The following DLGAP4 variants were observed in gnomAD, a reference collection of about 807,000 sequenced individuals.
DLGAP4 encodes DLG associated protein 4.
Under a neutral mutation model 86.9 loss-of-function variants are expected in DLGAP4, and 18 were observed. The ratio of observed to expected loss-of-function variants is 0.21; its 90% confidence interval spans 0.14 to 0.31. The LOEUF is 0.31. DLGAP4 is among the 10% of genes least tolerant of loss of function. DLGAP4 has a pLI of 1.00. For synonymous variants in DLGAP4, 548 were observed against 574.3 expected, an observed-to-expected ratio of 0.95 and a Z score of 0.65; for missense variants, 1,085 against 1,362.6, an observed-to-expected ratio of 0.80 and a Z score of 3.21.
chr20:36,434,163 C>T (rs192746415), intron 3 of DLGAP4, among the ~76,000 whole-genome samples: 168 of 149,964 alleles, frequency 1.1e-3, no homozygotes, highest in African/African-American at 4.0e-3. Flanking sequence ...AGGCTGGTCT[C>T]GAATTCCTGA....
chr20:36,438,552 A>AT lies in DLGAP4; in HGVS notation c.1242-1201dup, dbSNP rs985946356. Among the ~76,000 whole-genome samples the AT allele has an allele frequency of 1.3e-4, 20 of 150,426 alleles. No homozygotes were observed. The East Asian group carries it at 3.7e-3, about 28-fold the overall frequency. ...CTCAGTTTCCCAATCTGAATAATAT[A>AT]TACATATATATGTATATATTGTAAA... On this transcript the variant is annotated intron_variant, in intron 4 of 12. Transcript: ENST00000339266.
chr20:36,464,861 A>G (rs928382311), intron 7 of DLGAP4, among the ~76,000 whole-genome samples: 2 of 152,168 alleles, frequency 1.3e-5, no homozygotes, highest in African/African-American at 4.8e-5. Flanking sequence ...AAAAAAAAAA[A>G]AAGAAGAAAC....
At chr20:36,421,413 G>A (rs1365624818) in intron 2 of DLGAP4, among the ~76,000 whole-genome samples, 2 of 150,552 alleles carry the variant, frequency 1.3e-5, no homozygotes, top group African/African-American at 2.4e-5. Flanking sequence ...AGCCGAGATC[G>A]CACAACTGTA....
intron 7 of DLGAP4, chr20:36,462,338 C>G (rs2034125106): frequency 1.5e-6 from 2 of 1,364,770 alleles, no homozygotes; most frequent in Admixed American, 4.1e-5. Context: ...GGGTCCCCTG[C>G]TTTGCTCTCC....
In DLGAP4 at chr20:36,308,290, C is replaced by T. The variant is rs1051201598; in HGVS notation, c.-304+1778C>T. On this transcript the variant is annotated intron_variant, in intron 1 of 12. Transcript: ENST00000339266. The surrounding 1 kb of genome is among the most constrained non-coding windows in gnomAD (Gnocchi z 4.5). ...GAGGCCTGGTGAGGCCTGTGCTGGGCGCTGGGGAGTGCAATGGCTGACAGG... is the reference window on the plus strand; with the variant it reads ...GAGGCCTGGTGAGGCCTGTGCTGGGTGCTGGGGAGTGCAATGGCTGACAGG... Among the ~76,000 whole-genome samples the T allele has an allele frequency of 3.3e-5, 5 of 152,182 alleles. No homozygotes were observed. Among genetic ancestry groups the T allele is most frequent in the Non-Finnish European group, 5.9e-5 (4 of 68,038 alleles).
At chr20:36,522,773 C>T (rs747163642) in intron 10 of DLGAP4, among the ~76,000 whole-genome samples, 3 of 152,208 alleles carry the variant, frequency 2.0e-5, no homozygotes, top group Non-Finnish European at 2.9e-5. Context: ...GCCTCAGCCT[C>T]CCCCATCTTG....
intron 10 of DLGAP4, among the ~76,000 whole-genome samples, chr20:36,514,588 C>T (rs6024537): frequency 5.4e-4 from 82 of 152,100 alleles, no homozygotes; most frequent in African/African-American, 1.9e-3. Context: ...TTAAAAATTT[C>T]TTTTTTATAG....
chr20:36,494,639 A>G (rs1320223325), intron 7 of DLGAP4, among the ~76,000 whole-genome samples: 1 of 152,182 alleles, frequency 6.6e-6, no homozygotes, highest in African/African-American at 2.4e-5. Context: ...GTTTTATCAC[A>G]TGCATACATT....
chr20:36,334,353 G>A (rs1259169395), intron 1 of DLGAP4, among the ~76,000 whole-genome samples: 2 of 152,168 alleles, frequency 1.3e-5, no homozygotes, highest in Non-Finnish European at 2.9e-5. Context: ...ATCCTGCAAA[G>A]GCCACGAGGT....
intron 1 of DLGAP4, among the ~76,000 whole-genome samples, chr20:36,361,008 C>T (rs1383043181): frequency 6.6e-6 from 1 of 151,602 alleles, no homozygotes; most frequent in Admixed American, 6.6e-5. Context: ...TGATTCGAGT[C>T]GTGGGGGCCA....
intron 2 of DLGAP4, among the ~76,000 whole-genome samples, chr20:36,376,218 C>T (rs1251325689): frequency 6.6e-6 from 1 of 151,828 alleles, no homozygotes; most frequent in African/African-American, 2.4e-5. Context: ...TGGCTCATGC[C>T]TGTAATCCCG....
chr20:36,364,009 A>C (rs531918580), intron 1 of DLGAP4, among the ~76,000 whole-genome samples: 1 of 152,232 alleles, frequency 6.6e-6, no homozygotes, highest in Admixed American at 6.5e-5. Flanking sequence ...GGAGAATATG[A>C]CATACAAGGA....
rs761061256 is a variant in DLGAP4, at chr20:36,497,073, G to T, written c.2010+7G>T. 16 of 1,582,950 alleles carry T rather than the reference G, an allele frequency of 1.0e-5. No individual in the cohort carries two copies. On this transcript the variant is annotated splice_region_variant and intron_variant, in intron 8 of 12. Coordinates refer to ENST00000339266, the MANE Select transcript of DLGAP4 (RefSeq NM_001365621.2). Reference sequence around the variant, plus strand: ...GTCATCGATAGGAATACAAGTAGGGGCTCCTTTTGCACTCTGTGTCCTCAG... The same window carrying T: ...GTCATCGATAGGAATACAAGTAGGGTCTCCTTTTGCACTCTGTGTCCTCAG...
At chr20:36,383,525 A>G (rs1478731649) in intron 2 of DLGAP4, among the ~76,000 whole-genome samples, 1 of 152,010 alleles carries the variant, frequency 6.6e-6, no homozygotes, top group Non-Finnish European at 1.5e-5. Flanking sequence ...TAGGTTAAAA[A>G]GGGAAGGTTT....
intron 7 of DLGAP4, among the ~76,000 whole-genome samples, chr20:36,481,396 C>G (rs2035180475): frequency 6.6e-6 from 1 of 152,158 alleles, no homozygotes; most frequent in African/African-American, 2.4e-5. Flanking sequence ...TCTCTCTTCT[C>G]CAGGGTGACC....
intron 7 of DLGAP4, among the ~76,000 whole-genome samples, chr20:36,455,159 C>A (rs1030606240): frequency 1.3e-5 from 2 of 152,096 alleles, no homozygotes; most frequent in Non-Finnish European, 2.9e-5. Context: ...TCCCTCCCTC[C>A]TCTTACTCTG....
chr20:36,383,741 C>T (rs187657447), intron 2 of DLGAP4, among the ~76,000 whole-genome samples: 2,639 of 151,930 alleles, frequency 0.017, 30 homozygotes, highest in Non-Finnish European at 0.025. Flanking sequence ...TTTGGGAGGC[C>T]GAGGCAGGCG....
chr20:36,362,791 A>T (rs1258212536), intron 1 of DLGAP4, among the ~76,000 whole-genome samples: 1 of 152,216 alleles, frequency 6.6e-6, no homozygotes. Flanking sequence ...TGAGAAAAAC[A>T]GGAAAGCAGG....
chr20:36,430,576 G>T (rs2033101295), intron 2 of DLGAP4, among the ~76,000 whole-genome samples: 1 of 149,934 alleles, frequency 6.7e-6, no homozygotes, highest in Non-Finnish European at 1.5e-5. Flanking sequence ...CCAGCACTTT[G>T]GGAGACCAAG....
Sources: allele counts gnomAD v4.1 joint callset (sites outside exome capture counted in the v4.1 genomes callset), GRCh38; gene constraint gnomAD v4.1.1; non-coding constraint Gnocchi (gnomAD v3.1); transcripts MANE v1.5; gene names NCBI Gene and HGNC (gene_info 2026-07-23, HGNC 2026-07-21).